SF3A3: variants seen among roughly 807,000 people sequenced by gnomAD.
SF3A3 encodes SAP 61.
Under a neutral mutation model 85.8 loss-of-function variants are expected in SF3A3, and 9 were observed. The ratio of observed to expected loss-of-function variants is 0.10; its 90% CI spans 0.06 to 0.18. SF3A3 has a LOEUF of 0.18. Ranked by LOEUF, SF3A3 falls within the 10% of genes least tolerant of loss-of-function variation. The pLI, the probability that SF3A3 is intolerant of heterozygous loss-of-function variation, is 1.00. For missense variants in SF3A3, 306 were observed against 593.3 expected, an observed-to-expected ratio of 0.52 and a Z score of 5.03; for synonymous variants, 195 against 204.4, an observed-to-expected ratio of 0.95 and a Z score of 0.39.
intron 3 of SF3A3, 33 bp downstream of exon 3, chr1:37,987,751 C>G: frequency 1.2e-6 from 2 of 1,607,754 alleles, no homozygotes; most frequent in Non-Finnish European, 1.7e-6. Context: ...CTCAGAAGCA[C>G]TAACTCCTGG....
intron 15 of SF3A3, among the ~76,000 whole-genome samples, chr1:37,965,274 T>C (rs778132183): frequency 1.4e-4 from 17 of 117,284 alleles, no homozygotes; most frequent in Non-Finnish European, 2.4e-4. Context: ...GAGACCAGCC[T>C]GGGCAACATA....
chr1:37,958,737 A>G (rs1455481030), intron 16 of SF3A3, among the ~76,000 whole-genome samples: 1 of 152,152 alleles, frequency 6.6e-6, no homozygotes, highest in African/African-American at 2.4e-5. Context: ...TCAGAGTACT[A>G]TATTACAAGT....
intron 1 of SF3A3, 91 bp downstream of exon 1, chr1:37,989,779 G>A (rs2148726528): frequency 8.0e-7 from 1 of 1,250,748 alleles, no homozygotes; most frequent in African/African-American, 1.5e-5. Context: ...GGAAGGCAGG[G>A]AGGTTCTGAG....
At chr1:37,984,332 CTGTGTGTTCCTAGT>C in intron 5 of SF3A3, 72 bp from the exon 6 acceptor site, 1 of 843,862 alleles carries the variant, frequency 1.2e-6, no homozygotes. Flanking sequence ...TTCAAATGGA[CTGTGTGTTCCTAGT>C]TTCCTGAGGC....
At chr1:37,963,793 T>C (rs1039904784) in intron 15 of SF3A3, among the ~76,000 whole-genome samples, 4 of 147,642 alleles carry the variant, frequency 2.7e-5, no homozygotes, top group Non-Finnish European at 4.5e-5. Context: ...CCTGACCTTG[T>C]TATCTGCCCG....
intron 12 of SF3A3, among the ~76,000 whole-genome samples, chr1:37,971,700 A>G (rs2148718944): frequency 6.6e-6 from 1 of 152,358 alleles, no homozygotes; most frequent in Admixed American, 6.5e-5. Flanking sequence ...GGCTGGTTCA[A>G]CATACGCAAA....
chr1:37,961,884 G>A (rs1354682194), intron 15 of SF3A3, among the ~76,000 whole-genome samples: 16 of 150,976 alleles, frequency 1.1e-4, no homozygotes, highest in East Asian at 5.9e-4. Flanking sequence ...TTGGGAGTTC[G>A]AGACCAGCCT....
At chr1:37,962,374 T>TGGGC (rs1315770928) in intron 15 of SF3A3, among the ~76,000 whole-genome samples, 1 of 127,740 alleles carries the variant, frequency 7.8e-6, no homozygotes, top group Non-Finnish European at 1.6e-5. Flanking sequence ...GAGGCTAAGG[T>TGGGC]GGGCAGATCA....
At chr1:37,971,591 C>T (rs559818919) in intron 12 of SF3A3, among the ~76,000 whole-genome samples, 21 of 152,296 alleles carry the variant, frequency 1.4e-4, no homozygotes, top group East Asian at 1.9e-4. Flanking sequence ...TGATGAACAT[C>T]GATCCAAAAA....
chr1:37,981,927 GGGCT>G, intron 6 of SF3A3, 116 bp from the exon 7 acceptor site: 1 of 656,968 alleles, frequency 1.5e-6, no homozygotes, highest in South Asian at 2.1e-5. Flanking sequence ...GAAGTAACAA[GGGCT>G]GGCTAATTTT....
intron 12 of SF3A3, among the ~76,000 whole-genome samples, chr1:37,971,731 T>C (rs1570460372): frequency 2.0e-5 from 3 of 152,118 alleles, no homozygotes; most frequent in Admixed American, 2.0e-4. Flanking sequence ...TAATCCATCA[T>C]ATAAACAGAA....
chr1:37,967,808 C>T (rs1455772276), intron 15 of SF3A3, among the ~76,000 whole-genome samples: 1 of 151,302 alleles, frequency 6.6e-6, no homozygotes, highest in South Asian at 2.1e-4. Flanking sequence ...TGCAGTGGGC[C>T]AAGACTGCAC....
At chr1:37,984,678 T>C in intron 5 of SF3A3, 29 bp downstream of exon 5, 1 of 1,441,594 alleles carries the variant, frequency 6.9e-7, no homozygotes. Context: ...TTTTTGCTGG[T>C]GCTGAATGAA....
intron 12 of SF3A3, among the ~76,000 whole-genome samples, chr1:37,973,739 C>G (rs1646359330): frequency 6.6e-6 from 1 of 152,130 alleles, no homozygotes; most frequent in Admixed American, 6.6e-5. Context: ...GGGCATATAT[C>G]CAAAGGATTG....
At chr1:37,971,756 C>CAAAG (rs1646346325) in intron 12 of SF3A3, among the ~76,000 whole-genome samples, 1 of 152,082 alleles carries the variant, frequency 6.6e-6, no homozygotes, top group Non-Finnish European at 1.5e-5. Context: ...AGACAAAAAC[C>CAAAG]ACATGATTAT....
intron 15 of SF3A3, 106 bp downstream of exon 15, chr1:37,967,938 A>G: frequency 1.4e-6 from 1 of 718,600 alleles, no homozygotes; most frequent in Non-Finnish European, 2.6e-6. Context: ...TTACATATCC[A>G]CAACCTACTG....
intron 15 of SF3A3, among the ~76,000 whole-genome samples, chr1:37,966,243 A>T (rs959070990): frequency 4.2e-4 from 25 of 59,194 alleles, no homozygotes; most frequent in Non-Finnish European, 1.1e-3. Context: ...AATTAAATTA[A>T]AAAAAAAGAA....
chr1:37,981,460 CAG>C (rs1252929407), intron 7 of SF3A3, among the ~76,000 whole-genome samples: 1 of 152,086 alleles, frequency 6.6e-6, no homozygotes, highest in Non-Finnish European at 1.5e-5. Flanking sequence ...ACAGAAATCC[CAG>C]AGTGGGAGAG....
intron 12 of SF3A3, among the ~76,000 whole-genome samples, chr1:37,975,648 A>G (rs1309561568): frequency 2.0e-5 from 3 of 152,168 alleles, no homozygotes; most frequent in African/African-American, 7.2e-5. Flanking sequence ...AGCGGAGAAT[A>G]TATCTCTCCA....
Sources: gnomAD v4.1 joint callset for allele counts (sites outside exome capture counted in the v4.1 genomes callset) on GRCh38, gnomAD v4.1.1 for gene constraint, MANE v1.5 for transcripts, NCBI Gene and HGNC (gene_info 2026-07-23, HGNC 2026-07-21) for gene names.